The following FAF2 variants were observed in gnomAD, a reference collection of about 807,000 sequenced individuals.
The protein encoded by FAF2 is Fas associated factor family member 2, also known as FAS-associated factor 2.
Under a neutral mutation model 62.3 loss-of-function variants are expected in FAF2, and 9 were observed. The observed-to-expected ratio is 0.14, with a 90% CI of 0.09 to 0.25. The LOEUF is 0.25. Among genes scored for constraint, FAF2 ranks in the 10% least tolerant of loss-of-function variants. The probability of loss-of-function intolerance (pLI) is 1.00; values close to 1 mark genes in which losing one functional copy is unlikely to be tolerated. For synonymous variants in FAF2, 202 were observed against 198.0 expected (o/e 1.02, Z -0.17); for missense variants, 368 against 556.2 (o/e 0.66, Z 3.40).
intron 1 of FAF2, among the ~76,000 whole-genome samples, chr5:176,478,223 T>G (rs1758735387): frequency 6.6e-6 from 1 of 152,160 alleles, no homozygotes; most frequent in African/African-American, 2.4e-5. Context: ...ACACCTATAA[T>G]CCCAGCACTT....
At position 176,496,683 on chromosome 5, in the gene FAF2, T is replaced by G. The variant is rs1755493723; in HGVS notation, c.839+20T>G. 1.3e-6 allele frequency: 2 copies of G among 1,495,184 alleles called. No individual in the cohort carries two copies. Among genetic ancestry groups the G allele is most frequent in the Non-Finnish European group, 1.8e-6 (2 of 1,119,264 alleles). 92.6% of individuals were successfully genotyped at this position (1,495,184 alleles called of 1,614,324 possible). On this transcript the variant is annotated intron_variant, in intron 8 of 10. Coordinates refer to ENST00000261942, the MANE Select transcript of FAF2 (RefSeq NM_014613.3). ...AGAAAGGTACAAGGGAGTTCCCTTC[T>G]GGAACAGAGAGAGACCAGTTGTAAA... is the stretch of plus-strand genomic sequence containing the variant.
chr5:176,481,836 G>T (rs1018008475), intron 2 of FAF2, among the ~76,000 whole-genome samples: 4 of 152,144 alleles, frequency 2.6e-5, no homozygotes, highest in Admixed American at 2.0e-4. Flanking sequence ...TCAAGCTCTT[G>T]TGTGAATATG....
chr5:176,464,027 G>C (rs183902964), intron 1 of FAF2, among the ~76,000 whole-genome samples: 216 of 152,274 alleles, frequency 1.4e-3, no homozygotes, highest in African/African-American at 5.1e-3. Context: ...ACTGTGCCGG[G>C]CCTTAAATTT....
chr5:176,477,055 G>C (rs1235526659), intron 1 of FAF2, among the ~76,000 whole-genome samples: 5 of 149,336 alleles, frequency 3.3e-5, no homozygotes, highest in Non-Finnish European at 7.4e-5. Context: ...TGATCCGCCC[G>C]CCTCGGCCTC....
intron 1 of FAF2, among the ~76,000 whole-genome samples, chr5:176,476,853 A>C (rs1581064701): frequency 7.9e-6 from 1 of 126,134 alleles, no homozygotes; most frequent in Non-Finnish European, 1.6e-5. Context: ...TCTGTCACCC[A>C]GGCTGGAGTG....
At chr5:176,473,687 GTAT>G (rs1758614106) in intron 1 of FAF2, among the ~76,000 whole-genome samples, 1 of 152,212 alleles carries the variant, frequency 6.6e-6, no homozygotes, top group Admixed American at 6.5e-5. Flanking sequence ...ATTCAGCCAT[GTAT>G]TTATATCATG....
intron 1 of FAF2, among the ~76,000 whole-genome samples, chr5:176,476,301 T>C (rs1758688647): frequency 6.6e-6 from 1 of 152,122 alleles, no homozygotes. Flanking sequence ...AGTGTATTAA[T>C]GTAAAGTGAG....
rs576339360 is a variant in FAF2, at chr5:176,454,177, G to C, written c.63+5707G>C. Among the ~76,000 whole-genome samples, 15 of 151,660 alleles carry C rather than the reference G, an allele frequency of 9.9e-5. No individual in the cohort carries two copies. The South Asian group carries it at 3.1e-3, about 32-fold the overall frequency. ...GGAGGCCGAGGCAGGCAGATCACTTGAGGCCAGGAGTTCGAGACCAGCCTG... is the reference window on the plus strand; with the variant it reads ...GGAGGCCGAGGCAGGCAGATCACTTCAGGCCAGGAGTTCGAGACCAGCCTG... On this transcript the variant is annotated intron_variant, in intron 1 of 10. Transcript: ENST00000261942.
chr5:176,501,744 T>C (rs1755593961), intron 10 of FAF2, among the ~76,000 whole-genome samples: 1 of 152,174 alleles, frequency 6.6e-6, no homozygotes, highest in African/African-American at 2.4e-5. Context: ...TTGGGGGAAG[T>C]GCTTATGTCT....
intron 1 of FAF2, among the ~76,000 whole-genome samples, chr5:176,478,181 A>G (rs909930533): frequency 6.6e-6 from 1 of 152,240 alleles, no homozygotes. Flanking sequence ...CTGAACGGAA[A>G]TAGTGAGAAA....
At chr5:176,462,485 G>C (rs1040289034) in intron 1 of FAF2, among the ~76,000 whole-genome samples, 2 of 151,806 alleles carry the variant, frequency 1.3e-5, no homozygotes, top group African/African-American at 2.4e-5. Context: ...TTAGCCGGGC[G>C]TGGTGGCGCA....
chr5:176,457,576 A>G (rs769839253), intron 1 of FAF2, among the ~76,000 whole-genome samples: 1 of 152,072 alleles, frequency 6.6e-6, no homozygotes, highest in Non-Finnish European at 1.5e-5. Context: ...TTTCTCCAAC[A>G]TTGTATTTTT....
At chr5:176,457,351 G>T (rs1758294588) in intron 1 of FAF2, among the ~76,000 whole-genome samples, 1 of 151,922 alleles carries the variant, frequency 6.6e-6, no homozygotes, top group East Asian at 1.9e-4. Context: ...ACCACTTCTG[G>T]CTTATTTTTT....
chr5:176,451,800 A>G (rs1405691770), intron 1 of FAF2, among the ~76,000 whole-genome samples: 3 of 26,412 alleles, frequency 1.1e-4, no homozygotes, highest in South Asian at 1.0e-3. Context: ...ATATATATAC[A>G]TATATATATA....
intron 10 of FAF2, among the ~76,000 whole-genome samples, chr5:176,500,633 C>T (rs1352466583): frequency 6.6e-6 from 1 of 152,094 alleles, no homozygotes; most frequent in East Asian, 1.9e-4. Context: ...AAAGGAAGCC[C>T]CATTTTCTGA....
intron 1 of FAF2, 102 bp downstream of exon 1, chr5:176,448,572 G>T: frequency 8.3e-7 from 1 of 1,200,980 alleles, no homozygotes; most frequent in Middle Eastern, 2.5e-4. Flanking sequence ...ATCCTTCTCA[G>T]ACCAGCAGGC....
At chr5:176,465,963 A>G (rs962357598) in intron 1 of FAF2, among the ~76,000 whole-genome samples, 1 of 152,194 alleles carries the variant, frequency 6.6e-6, no homozygotes, top group Non-Finnish European at 1.5e-5. Flanking sequence ...TCACTCCACC[A>G]TTTACCATTA....
At chr5:176,495,213 T>C (rs1026172335) in intron 7 of FAF2, among the ~76,000 whole-genome samples, 3 of 152,182 alleles carry the variant, frequency 2.0e-5, no homozygotes, top group African/African-American at 4.8e-5. Flanking sequence ...CCAGCAACTT[T>C]TGAGTTTATA....
At chr5:176,505,068 A>G (rs1283099891) in intron 10 of FAF2, among the ~76,000 whole-genome samples, 1 of 152,184 alleles carries the variant, frequency 6.6e-6, no homozygotes, top group African/African-American at 2.4e-5. Context: ...AGTTTAAGAA[A>G]TGAAGGACTG....
Sources: allele counts gnomAD v4.1 joint callset (sites outside exome capture counted in the v4.1 genomes callset), GRCh38; gene constraint gnomAD v4.1.1; transcripts MANE v1.5; gene names NCBI Gene and HGNC (gene_info 2026-07-23, HGNC 2026-07-21).